The following TNF variants were observed in gnomAD, a reference collection of about 807,000 sequenced individuals.
TNF encodes the protein tumor necrosis factor, also known as APC1 protein.
Under a neutral mutation model 21.8 loss-of-function variants are expected in TNF, and 7 were observed. That is an observed-to-expected ratio of 0.32 (90% CI 0.18 to 0.60). The LOEUF is 0.60. Ranked by LOEUF, TNF falls within the 20% of genes least tolerant of loss-of-function variation. The probability of loss-of-function intolerance (pLI) is 0.84; values close to 1 mark genes in which losing one functional copy is unlikely to be tolerated. For missense variants in TNF, 216 were observed against 296.6 expected (o/e 0.73, Z 2.00); for synonymous variants, 123 against 130.2 (o/e 0.94, Z 0.38).
At position 31,577,734 on chromosome 6, in the gene TNF, A is replaced by T; in HGVS notation, c.*197A>T. 1 of 692,788 alleles carries T rather than the reference A, an allele frequency of 1.4e-6. No homozygotes were observed. Among genetic ancestry groups the T allele is most frequent in the Non-Finnish European group, 2.5e-6 (1 of 398,478 alleles). 42.9% of individuals were successfully genotyped at this position (692,788 alleles called of 1,614,324 possible). A position where few individuals can be genotyped will look rare whatever the true frequency, so the allele number is the denominator to read the frequency against. ...TCAGGAATGTGTGGCCTGCACAGTG[A>T]AGTGCTGGCAACCACTAAGAATTCA... On this transcript the variant is annotated 3_prime_UTR_variant, in exon 4 of 4. Coordinates refer to ENST00000449264, the MANE Select transcript of TNF (RefSeq NM_000594.4). The surrounding 1 kb of genome is among the most constrained non-coding windows in gnomAD (Gnocchi z 7.7).
In TNF at chr6:31,575,647, T is replaced by C; in HGVS notation, c.-95T>C. The stretch of plus-strand genomic sequence containing the variant: ...TACAGACCCCCCCTGAAAACAACCC[T>C]CAGACGCCACATCCCCTGACAAGCT... On this transcript the variant is annotated 5_prime_UTR_variant, in exon 1 of 4. Coordinates refer to ENST00000449264, the MANE Select transcript of TNF (RefSeq NM_000594.4). This position sits in a 1 kb window ranked among gnomAD's most constrained non-coding sequence, Gnocchi z 6.2. The C allele has an allele frequency of 2.4e-6, 3 of 1,244,994 alleles. No individual in the cohort carries two copies. Among genetic ancestry groups the C allele is most frequent in the East Asian group, 5.1e-5 (2 of 39,388 alleles). 77.1% of individuals were successfully genotyped at this position (1,244,994 alleles called of 1,614,324 possible). A position where few individuals can be genotyped will look rare whatever the true frequency, so the allele number is the denominator to read the frequency against.
At position 31,577,318 on chromosome 6, in the gene TNF, C is replaced by T; in HGVS notation, c.483C>T (p.Val161=). Residue 161 remains valine (V), a synonymous_variant, in exon 4 of 4, where the codon GTC becomes GTT. Coordinates refer to ENST00000449264, the MANE Select transcript of TNF (RefSeq NM_000594.4). This position sits in a 1 kb window ranked among gnomAD's most constrained non-coding sequence, Gnocchi z 7.7. ...LLTHTISRIA[V]SYQTKVNLLS... Reference sequence around the variant, plus strand: ...CCCACACCATCAGCCGCATCGCCGTCTCCTACCAGACCAAGGTCAACCTCC... The same window carrying T: ...CCCACACCATCAGCCGCATCGCCGTTTCCTACCAGACCAAGGTCAACCTCC... 6.2e-7 allele frequency: 1 copy of T among 1,613,266 alleles called. No individual in the cohort carries two copies. Among genetic ancestry groups the T allele is most frequent in the Non-Finnish European group, 8.5e-7 (1 of 1,180,048 alleles).
In TNF at chr6:31,575,652, C is replaced by G; in HGVS notation, c.-90C>G. 1 of 1,271,056 alleles carries G rather than the reference C, an allele frequency of 7.9e-7. No homozygotes were observed. The highest frequency in any genetic ancestry group is 1.1e-6 in the Non-Finnish European group (1 of 936,844). 78.7% of individuals were successfully genotyped at this position (1,271,056 alleles called of 1,614,324 possible). ...ACCCCCCCTGAAAACAACCCTCAGA[C>G]GCCACATCCCCTGACAAGCTGCCAG... is the stretch of plus-strand genomic sequence containing the variant. On this transcript the variant is annotated 5_prime_UTR_variant, in exon 1 of 4. Coordinates refer to ENST00000449264, the MANE Select transcript of TNF (RefSeq NM_000594.4). This position sits in a 1 kb window ranked among gnomAD's most constrained non-coding sequence, Gnocchi z 6.2.
Position 31,577,870 on chromosome 6 carries a change from A to G in TNF, c.*333A>G, listed in dbSNP as rs760929534. 11 of 448,712 alleles carry G rather than the reference A, an allele frequency of 2.5e-5. No homozygotes were observed. The highest frequency in any genetic ancestry group is 4.5e-5 in the Non-Finnish European group (11 of 246,606). 27.8% of individuals were successfully genotyped at this position (448,712 alleles called of 1,614,324 possible). On this transcript the variant is annotated 3_prime_UTR_variant, in exon 4 of 4. Coordinates refer to ENST00000449264, the MANE Select transcript of TNF (RefSeq NM_000594.4). The surrounding 1 kb of genome is among the most constrained non-coding windows in gnomAD (Gnocchi z 7.7). ...CCAGAATGCTGCAGGACTTGAGAAG[A>G]CCTCACCTAGAAATTGACACAAGTG...
In TNF at chr6:31,578,086, G is replaced by A. The variant is rs1253228519; in HGVS notation, c.*549G>A. ...GGGTATCCTGGGGGACCCAATGTAG[G>A]AGCTGCCTTGGCTCAGACATGTTTT... On this transcript the variant is annotated 3_prime_UTR_variant, in exon 4 of 4. Coordinates refer to ENST00000449264, the MANE Select transcript of TNF (RefSeq NM_000594.4). The surrounding 1 kb of genome is among the most constrained non-coding windows in gnomAD (Gnocchi z 6.0). 6.6e-6 allele frequency: 1 copy of A among 152,338 alleles called. No homozygotes were observed. Among genetic ancestry groups the A allele is most frequent in the Non-Finnish European group, 1.5e-5 (1 of 68,148 alleles). 9.4% of individuals were successfully genotyped at this position (152,338 alleles called of 1,614,324 possible).
rs762064944 is a variant in TNF at position 31,577,607 on chromosome 6, C to T, written c.*70C>T. ...TCCCTTTATTACCCCCTCCTTCAGA[C>T]ACCCTCAACCTCTTCTGGCTCAAAA... is the stretch of plus-strand genomic sequence containing the variant. On this transcript the variant is annotated 3_prime_UTR_variant, in exon 4 of 4. Transcript: ENST00000449264. This position sits in a 1 kb window ranked among gnomAD's most constrained non-coding sequence, Gnocchi z 7.7. 14 of 1,572,488 alleles carry T rather than the reference C, an allele frequency of 8.9e-6. No individual in the cohort carries two copies. Among genetic ancestry groups the T allele is most frequent in the East Asian group, 2.2e-5 (1 of 44,496 alleles).
At chr6:31,576,731 A>C (rs780350382) in intron 2 of TNF, 36 bp from the exon 3 acceptor site, 1 of 1,612,594 alleles carries the variant, frequency 6.2e-7, no homozygotes, top group Non-Finnish European at 8.5e-7. Context: ...AGGAAGTTTA[A>C]GGGTCTCAGC....
At position 31,575,633 on chromosome 6, in the gene TNF, C is replaced by CG; in HGVS notation, c.-109_-108insG. 6 of 1,067,086 alleles carry CG rather than the reference C, an allele frequency of 5.6e-6. No homozygotes were observed. The highest frequency in any genetic ancestry group is 1.6e-5 in the African/African-American group (1 of 62,224). The allele number at this position is 1,067,086 out of a possible 1,614,324, so 66.1% of individuals were successfully genotyped here. ...GGGAGAGAAGCAACTACAGACCCCC[C>CG]CTGAAAACAACCCTCAGACGCCACA... On this transcript the variant is annotated 5_prime_UTR_variant, in exon 1 of 4. Transcript: ENST00000449264. The surrounding 1 kb of genome is among the most constrained non-coding windows in gnomAD (Gnocchi z 6.2).
rs1562480707 is a variant in TNF, at chr6:31,576,706, A to AG, written c.233-55dup. ...GGGGAGGATGGATGGAGGTGAAAGT[A>AG]GGGGGGTATTTTCTAGGAAGTTTAA... On this transcript the variant is annotated intron_variant, in intron 2 of 3. Transcript: ENST00000449264. 49 of 1,591,724 alleles carry AG rather than the reference A, an allele frequency of 3.1e-5. No individual in the cohort carries two copies. In the South Asian group the frequency reaches 5.1e-4, roughly 17 times the overall value.
intron 2 of TNF, 54 bp from the exon 3 acceptor site, chr6:31,576,713 T>G (rs1409287799): frequency 2.3e-5 from 35 of 1,535,680 alleles, no homozygotes; most frequent in Non-Finnish European, 2.8e-5. Flanking sequence ...AGTAGGGGGG[T>G]ATTTTCTAGG....
intron 3 of TNF, 119 bp from the exon 4 acceptor site, chr6:31,576,997 G>C (rs1771213199): frequency 4.3e-6 from 6 of 1,411,690 alleles, no homozygotes; most frequent in Non-Finnish European, 5.9e-6. Flanking sequence ...TGGGATGTGG[G>C]ATGACAGACA....
Position 31,576,756 on chromosome 6 carries a change from C to T in TNF, c.233-11C>T. On this transcript the variant is annotated splice_polypyrimidine_tract_variant and intron_variant, in intron 2 of 3. Transcript: ENST00000449264. The stretch of plus-strand genomic sequence containing the variant: ...AGGGTCTCAGCTTTTTCTTTTCTCT[C>T]TCCTCTTCAGGATCATCTTCTCGAA... 1 of 1,613,064 alleles carries T rather than the reference C, an allele frequency of 6.2e-7. No individual in the cohort carries two copies. The highest frequency in any genetic ancestry group is 8.5e-7 in the Non-Finnish European group (1 of 1,179,992).
chr6:31,576,166 G>GTGAA lies in TNF; in HGVS notation c.186+260_186+263dup, dbSNP rs4645841. Reference sequence around the variant, plus strand: ...AAGGTGCTCACTAAGTGTGTATGGAGTGAATGAATGAATGAATGAATGAAC... The same window carrying GTGAA: ...AAGGTGCTCACTAAGTGTGTATGGAGTGAATGAATGAATGAATGAATGAATGAAC... On this transcript the variant is annotated intron_variant, in intron 1 of 3. Coordinates refer to ENST00000449264, the MANE Select transcript of TNF (RefSeq NM_000594.4). 8.5e-3 allele frequency among the ~76,000 whole-genome samples: 1,298 copies of GTGAA among 152,202 alleles called. 24 individuals carry two copies. Among genetic ancestry groups the GTGAA allele is most frequent in the South Asian group, 0.08 (384 of 4,818 alleles).
rs1771156812 is a variant in TNF at position 31,575,886 on chromosome 6, T to A, written c.145T>A (p.Cys49Ser). The A allele has an allele frequency of 1.2e-6, 2 of 1,608,018 alleles. No individual in the cohort carries two copies. Among genetic ancestry groups the A allele is most frequent in the East Asian group, 2.3e-5 (1 of 44,428 alleles). Residue 49 changes from cysteine to serine, a missense_variant, in exon 1 of 4, where the codon TGC becomes AGC. Cys to Ser is a moderately radical substitution (Grantham distance 112, BLOSUM62 -1). Coordinates refer to ENST00000449264, the MANE Select transcript of TNF (RefSeq NM_000594.4). This position sits in a 1 kb window ranked among gnomAD's most constrained non-coding sequence, Gnocchi z 6.2. Reference protein sequence around the residue: ...LIVAGATTLFCLLHFGVIGPQ... With the variant: ...LIVAGATTLFSLLHFGVIGPQ... Reference sequence around the variant, plus strand: ...CGTGGCAGGCGCCACCACGCTCTTCTGCCTGCTGCACTTTGGAGTGATCGG... The same window carrying A: ...CGTGGCAGGCGCCACCACGCTCTTCAGCCTGCTGCACTTTGGAGTGATCGG...
chr6:31,577,827 G>A lies in TNF; in HGVS notation c.*290G>A. On this transcript the variant is annotated 3_prime_UTR_variant, in exon 4 of 4. Coordinates refer to ENST00000449264, the MANE Select transcript of TNF (RefSeq NM_000594.4). The surrounding 1 kb of genome is among the most constrained non-coding windows in gnomAD (Gnocchi z 7.7). ...CCTGACATCTGGAATCTGGAGACCAGGGAGCCTTTGGTTCTGGCCAGAATG... is the reference window on the plus strand; with the variant it reads ...CCTGACATCTGGAATCTGGAGACCAAGGAGCCTTTGGTTCTGGCCAGAATG... 1.8e-6 allele frequency: 1 copy of A among 547,022 alleles called. No homozygotes were observed. The highest frequency in any genetic ancestry group is 3.2e-5 in the East Asian group (1 of 31,496). 33.9% of individuals were successfully genotyped at this position (547,022 alleles called of 1,614,324 possible).
chr6:31,576,850 G>C, intron 3 of TNF, 36 bp downstream of exon 3: 1 of 1,611,974 alleles, frequency 6.2e-7, no homozygotes, highest in Middle Eastern at 1.7e-4. Context: ...GAACTTGGAG[G>C]GCTAGGATTT....
rs4248164 is a variant in TNF at position 31,575,571 on chromosome 6, C to T, written c.-171C>T. The T allele has an allele frequency of 7.6e-4, 466 of 615,182 alleles. 8 individuals carry two copies. In the South Asian group the frequency reaches 9.1e-3, roughly 12 times the overall value. The allele number at this position is 615,182 out of a possible 1,614,324, so 38.1% of individuals were successfully genotyped here. ...GTTGTTGGCACACCCAGCCAGCAGA[C>T]GCTCCCTCAGCAAGGACAGCAGAGG... On this transcript the variant is annotated 5_prime_UTR_variant, in exon 1 of 4. In the 5' UTR this introduces an upstream ATG that the reference lacks. Coordinates refer to ENST00000449264, the MANE Select transcript of TNF (RefSeq NM_000594.4). The surrounding 1 kb of genome is among the most constrained non-coding windows in gnomAD (Gnocchi z 6.2).
rs1003548402 is a variant in TNF at position 31,578,311 on chromosome 6, GA to G, written c.*777del. 5.9e-5 allele frequency: 9 copies of G among 152,250 alleles called. No homozygotes were observed. The highest frequency in any genetic ancestry group is 2.2e-4 in the African/African-American group (9 of 41,464). 9.4% of individuals were successfully genotyped at this position (152,250 alleles called of 1,614,324 possible). A position where few individuals can be genotyped will look rare whatever the true frequency, so the allele number is the denominator to read the frequency against. ...TAATCGCCCTACTATTCAGTGGCGA[GA>G]AATAAAGTTTGCTTAGAAAAGAAAC... is the stretch of plus-strand genomic sequence containing the variant. On this transcript the variant is annotated 3_prime_UTR_variant, in exon 4 of 4. Coordinates refer to ENST00000449264, the MANE Select transcript of TNF (RefSeq NM_000594.4). The surrounding 1 kb of genome is among the most constrained non-coding windows in gnomAD (Gnocchi z 6.0).
chr6:31,576,877 C>G (rs888924952), intron 3 of TNF, 63 bp downstream of exon 3: 11 of 1,580,478 alleles, frequency 7.0e-6, no homozygotes, highest in Non-Finnish European at 9.6e-6. Flanking sequence ...TGAAGCCCGG[C>G]TGATGGTAGG....
Sources: gnomAD v4.1 joint callset for allele counts (sites outside exome capture counted in the v4.1 genomes callset) on GRCh38, gnomAD v4.1.1 for gene constraint, Gnocchi (gnomAD v3.1) non-coding constraint, MANE v1.5 for transcripts, NCBI Gene and HGNC (gene_info 2026-07-23, HGNC 2026-07-21) for gene names.